MECOM: variants seen among roughly 807,000 people sequenced by gnomAD.
MECOM encodes the protein MDS1 and EVI1 complex locus, also known as histone-lysine N-methyltransferase MECOM.
In MECOM, 13 loss-of-function variants were observed where a neutral mutation model predicts 116.3. That is an observed-to-expected ratio of 0.11 (90% CI 0.07 to 0.18). MECOM has a LOEUF of 0.18. Among genes scored for constraint, MECOM ranks in the 10% least tolerant of loss-of-function variants. MECOM has a pLI of 1.00. For missense variants in MECOM, 1,299 were observed against 1,509.0 expected, an observed-to-expected ratio of 0.86 and a Z score of 2.31; for synonymous variants, 528 against 535.2, an observed-to-expected ratio of 0.99 and a Z score of 0.19.
At chr3:169,385,512 A>G (rs1733179169) in intron 1 of MECOM, among the ~76,000 whole-genome samples, 1 of 152,178 alleles carries the variant, frequency 6.6e-6, no homozygotes, top group Non-Finnish European at 1.5e-5. Flanking sequence ...TGATGACAAA[A>G]GCGAAAATAT....
chr3:169,441,120 G>A (rs1468579149), intron 1 of MECOM, among the ~76,000 whole-genome samples: 3 of 152,140 alleles, frequency 2.0e-5, no homozygotes, highest in Admixed American at 6.5e-5. Flanking sequence ...GTAGACACAC[G>A]TGTAGCCATT....
At chr3:169,135,319 T>C (rs1736028451) in intron 3 of MECOM, among the ~76,000 whole-genome samples, 1 of 152,022 alleles carries the variant, frequency 6.6e-6, no homozygotes, top group African/African-American at 2.4e-5. Context: ...AATTTTGTAA[T>C]GAATATACCC....
intron 1 of MECOM, among the ~76,000 whole-genome samples, chr3:169,431,036 T>C (rs1050455764): frequency 6.6e-6 from 1 of 152,216 alleles, no homozygotes; most frequent in African/African-American, 2.4e-5. Context: ...TCTGTTTCAG[T>C]CACTGTCTTT....
chr3:169,335,887 A>G (rs955863880), intron 2 of MECOM, among the ~76,000 whole-genome samples: 90 of 152,256 alleles, frequency 5.9e-4, no homozygotes, highest in African/African-American at 2.0e-3. Context: ...CTATGATTTC[A>G]TATTATCTTA....
intron 2 of MECOM, among the ~76,000 whole-genome samples, chr3:169,315,995 A>G (rs1049670673): frequency 6.6e-6 from 1 of 152,248 alleles, no homozygotes; most frequent in African/African-American, 2.4e-5. Flanking sequence ...TTTTACCAAC[A>G]TATTCAACAA....
At chr3:169,496,875 G>C (rs1263439845) in intron 1 of MECOM, among the ~76,000 whole-genome samples, 1 of 152,150 alleles carries the variant, frequency 6.6e-6, no homozygotes, top group Non-Finnish European at 1.5e-5. Flanking sequence ...AGGTAGCTGT[G>C]ATGGCTACAG....
intron 1 of MECOM, among the ~76,000 whole-genome samples, chr3:169,549,963 C>G (rs927501842): frequency 6.6e-5 from 10 of 152,060 alleles, no homozygotes; most frequent in African/African-American, 2.4e-4. Context: ...TTAATCCTCA[C>G]CATTCTGGCG....
chr3:169,374,429 C>T (rs908224176), intron 2 of MECOM, among the ~76,000 whole-genome samples: 1 of 151,922 alleles, frequency 6.6e-6, no homozygotes, highest in African/African-American at 2.4e-5. Context: ...CAGAATAGTG[C>T]CACAGGGATT....
At chr3:169,538,106 G>A (rs1367292697) in intron 1 of MECOM, among the ~76,000 whole-genome samples, 3 of 152,170 alleles carry the variant, frequency 2.0e-5, no homozygotes, top group Non-Finnish European at 4.4e-5. Flanking sequence ...TGATTCTAAT[G>A]TGCAGCCAGT....
chr3:169,426,392 C>T (rs1361173392), intron 1 of MECOM, among the ~76,000 whole-genome samples: 1 of 152,118 alleles, frequency 6.6e-6, no homozygotes, highest in Admixed American at 6.6e-5. Flanking sequence ...AGTTACAGCA[C>T]AACTTCAAGA....
chr3:169,623,869 T>C (rs945081116), intron 1 of MECOM: 5 of 152,190 alleles, frequency 3.3e-5, no homozygotes, highest in Middle Eastern at 3.4e-3. Flanking sequence ...TCCTTTAGTG[T>C]AACAAAAAAG....
intron 2 of MECOM, among the ~76,000 whole-genome samples, chr3:169,144,518 T>G (rs1038795372): frequency 6.6e-5 from 10 of 152,176 alleles, no homozygotes; most frequent in African/African-American, 2.4e-4. Flanking sequence ...AAAAATATAT[T>G]AAAATACTGT....
intron 2 of MECOM, among the ~76,000 whole-genome samples, chr3:169,334,230 C>T (rs1236064334): frequency 1.3e-5 from 2 of 152,084 alleles, no homozygotes; most frequent in African/African-American, 2.4e-5. Context: ...ACACCAATAT[C>T]ATTGTTCTGG....
intron 2 of MECOM, among the ~76,000 whole-genome samples, chr3:169,258,762 G>T (rs925972920): frequency 6.6e-6 from 1 of 152,286 alleles, no homozygotes; most frequent in Non-Finnish European, 1.5e-5. Context: ...TAAAAGTGTT[G>T]TTACAAACAT....
chr3:169,083,734 C>A lies in MECOM; in HGVS notation c.*1175G>T, dbSNP rs552173750. On this transcript the variant is annotated 3_prime_UTR_variant, in exon 17 of 17. Coordinates refer to ENST00000651503, the MANE Select transcript of MECOM (RefSeq NM_004991.4). ...CTCTTTTAACATAAGGTTGGGAACA[C>A]TTCATTTTACAAATAGGATTAACAT... 1 of 207,136 alleles carries A rather than the reference C, an allele frequency of 4.8e-6. No homozygotes were observed. The highest frequency in any genetic ancestry group is 7.4e-5 in the East Asian group (1 of 13,566). The allele number at this position is 207,136 out of a possible 1,614,324, so 12.8% of individuals were successfully genotyped here. A position where few individuals can be genotyped will look rare whatever the true frequency, so the allele number is the denominator to read the frequency against.
chr3:169,190,900 TG>T (rs1260080494), intron 2 of MECOM, among the ~76,000 whole-genome samples: 25 of 152,030 alleles, frequency 1.6e-4, no homozygotes, highest in Admixed American at 2.6e-4. Flanking sequence ...CCAATTATGT[TG>T]TATATCAATG....
chr3:169,404,287 G>GCACA (rs376208224), intron 1 of MECOM, among the ~76,000 whole-genome samples: 40 of 151,070 alleles, frequency 2.6e-4, no homozygotes, highest in African/African-American at 9.0e-4. Flanking sequence ...TGCAAAATAT[G>GCACA]CACACACACA....
intron 1 of MECOM, among the ~76,000 whole-genome samples, chr3:169,407,330 G>T (rs1736865643): frequency 6.6e-6 from 1 of 152,052 alleles, no homozygotes; most frequent in Admixed American, 6.5e-5. Flanking sequence ...ACCAACTCCA[G>T]GTAATTCTCT....
At chr3:169,352,922 CTT>C (rs1726609848) in intron 2 of MECOM, among the ~76,000 whole-genome samples, 1 of 151,950 alleles carries the variant, frequency 6.6e-6, no homozygotes, top group South Asian at 2.1e-4. Context: ...TCTCTGCTCT[CTT>C]TGGTGGCCCA....
Sources: gnomAD v4.1 joint callset for allele counts (sites outside exome capture counted in the v4.1 genomes callset) on GRCh38, gnomAD v4.1.1 for gene constraint, MANE v1.5 for transcripts, NCBI Gene and HGNC (gene_info 2026-07-23, HGNC 2026-07-21) for gene names.